Variants in HDAC9 observed in about 807,000 individuals in gnomAD.
The protein encoded by HDAC9 is histone deacetylase 9, also known as MEF-2 interacting transcription repressor (MITR) protein.
HDAC9 carries 41 observed loss-of-function variants against 139.4 expected under a neutral mutation model. That is an observed-to-expected ratio of 0.29 (90% confidence interval 0.23 to 0.38). The LOEUF (loss-of-function observed/expected upper bound fraction) is 0.38, where lower values mean the gene tolerates loss of function less well. Among genes scored for constraint, HDAC9 ranks in the 10% least tolerant of loss-of-function variants. The pLI, the probability that HDAC9 is intolerant of heterozygous loss-of-function variation, is 1.00. For missense variants in HDAC9, 1,147 were observed against 1,297.0 expected (o/e 0.88, Z 1.78); for synonymous variants, 517 against 476.2 (o/e 1.09, Z -1.12).
At chr7:18,241,844 A>G (rs1186628397) in intron 2 of HDAC9, among the ~76,000 whole-genome samples, 2 of 152,230 alleles carry the variant, frequency 1.3e-5, no homozygotes, top group Non-Finnish European at 2.9e-5. Flanking sequence ...AAAAACTGCA[A>G]TCACTTTTAA....
chr7:18,829,089 G>A, intron 17 of HDAC9, 72 bp from the exon 18 acceptor site: 3 of 1,043,986 alleles, frequency 2.9e-6, no homozygotes, highest in Non-Finnish European at 4.6e-6. Flanking sequence ...TGTTGTGCCT[G>A]GAGATCCAAG....
intron 2 of HDAC9, among the ~76,000 whole-genome samples, chr7:18,180,344 T>C (rs1255876797): frequency 6.6e-6 from 1 of 152,190 alleles, no homozygotes; most frequent in Non-Finnish European, 1.5e-5. Flanking sequence ...ATGTTTGCTC[T>C]GTGTTTCTTT....
At chr7:18,960,023 C>CACACAT (rs1263725966) in intron 24 of HDAC9, among the ~76,000 whole-genome samples, 7 of 151,774 alleles carry the variant, frequency 4.6e-5, no homozygotes, top group African/African-American at 9.7e-5. Flanking sequence ...CACACACACA[C>CACACAT]ACACACACAC....
At chr7:18,923,432 C>T (rs1027869700) in intron 22 of HDAC9, among the ~76,000 whole-genome samples, 1 of 151,990 alleles carries the variant, frequency 6.6e-6, no homozygotes, top group Non-Finnish European at 1.5e-5. Flanking sequence ...TTGAACGATT[C>T]TAGAATGGCT....
intron 2 of HDAC9, among the ~76,000 whole-genome samples, chr7:18,568,203 A>G (rs77069578): frequency 0.054 from 8,164 of 152,012 alleles, 327 homozygotes; most frequent in African/African-American, 0.12. Context: ...TCTCATGGAA[A>G]AAGAGATAAT....
chr7:18,793,255 CT>C (rs1792489477), intron 16 of HDAC9, 89 bp from the exon 17 acceptor site: 1 of 857,058 alleles, frequency 1.2e-6, no homozygotes, highest in Non-Finnish European at 1.9e-6. Context: ...CCCTCTTCCC[CT>C]GCGACCTCTT....
intron 1 of HDAC9, among the ~76,000 whole-genome samples, chr7:18,425,136 C>T (rs992760883): frequency 2.6e-5 from 4 of 152,058 alleles, no homozygotes; most frequent in African/African-American, 7.2e-5. Flanking sequence ...GCAAGTTGAA[C>T]CTTGGCTTTT....
intron 1 of HDAC9, among the ~76,000 whole-genome samples, chr7:18,410,715 G>A (rs1788462812): frequency 6.6e-6 from 1 of 152,078 alleles, no homozygotes; most frequent in African/African-American, 2.4e-5. Context: ...AGGATATATT[G>A]TGTCAGGAAA....
chr7:18,380,075 C>T (rs542892554), intron 1 of HDAC9, among the ~76,000 whole-genome samples: 28 of 152,266 alleles, frequency 1.8e-4, no homozygotes, highest in African/African-American at 5.8e-4. Flanking sequence ...TAAAATGAGA[C>T]ATTTAATTAT....
At chr7:18,733,052 C>G (rs1786475768) in intron 13 of HDAC9, among the ~76,000 whole-genome samples, 1 of 141,846 alleles carries the variant, frequency 7.0e-6, no homozygotes, top group Admixed American at 6.9e-5. Context: ...TACATATATA[C>G]ATGTGTATAT....
intron 13 of HDAC9, among the ~76,000 whole-genome samples, chr7:18,745,763 G>A (rs1787898368): frequency 6.6e-6 from 1 of 151,292 alleles, no homozygotes; most frequent in South Asian, 2.1e-4. Context: ...AGCCAGGTTG[G>A]TCTCGATCTG....
intron 1 of HDAC9, among the ~76,000 whole-genome samples, chr7:18,464,649 A>G (rs1001439354): frequency 3.9e-5 from 6 of 152,044 alleles, no homozygotes; most frequent in African/African-American, 1.4e-4. Flanking sequence ...GCATTGCTAT[A>G]CAGTATTGCT....
intron 1 of HDAC9, among the ~76,000 whole-genome samples, chr7:18,465,838 A>G (rs183553941): frequency 6.6e-6 from 1 of 151,600 alleles, no homozygotes; most frequent in Non-Finnish European, 1.5e-5. Context: ...CCAGTGATGG[A>G]CTCTCTTTCT....
Position 18,963,712 on chromosome 7 carries a change from C to A in HDAC9, c.3022+9482C>A, listed in dbSNP as rs931809815. Among the ~76,000 whole-genome samples, 4 of 152,146 alleles carry A rather than the reference C, an allele frequency of 2.6e-5. No homozygotes were observed. In the South Asian group the frequency reaches 8.3e-4, roughly 32 times the overall value. On this transcript the variant is annotated intron_variant, in intron 24 of 25. Transcript: ENST00000686413. The stretch of plus-strand genomic sequence containing the variant: ...GATAAAGAATGAAAAAGGAAACCAT[C>A]TGTTACTGTCTTAGCAGACCTAAAA...
intron 2 of HDAC9, among the ~76,000 whole-genome samples, chr7:18,252,812 T>C (rs558905972): frequency 1.8e-4 from 28 of 152,284 alleles, no homozygotes; most frequent in African/African-American, 4.8e-4. Context: ...AACCACAATC[T>C]TACATAGGTA....
chr7:18,641,109 A>C (rs988981927), intron 8 of HDAC9, among the ~76,000 whole-genome samples: 2 of 152,202 alleles, frequency 1.3e-5, no homozygotes, highest in Non-Finnish European at 2.9e-5. Context: ...TCTGGAAGAC[A>C]TTCTCACTCT....
intron 1 of HDAC9, among the ~76,000 whole-genome samples, chr7:18,089,926 T>G (rs1265498550): frequency 1.1e-5 from 1 of 88,346 alleles, no homozygotes; most frequent in African/African-American, 3.1e-5. Context: ...GGTTTTTTTT[T>G]GTTTGTTTTA....
At chr7:18,913,519 A>T (rs114839184) in intron 22 of HDAC9, among the ~76,000 whole-genome samples, 1 of 152,074 alleles carries the variant, frequency 6.6e-6, no homozygotes, top group Non-Finnish European at 1.5e-5. Flanking sequence ...AACAAATAAT[A>T]TGCGTAATTT....
chr7:18,669,100 T>G (rs886442869), intron 12 of HDAC9, among the ~76,000 whole-genome samples: 4 of 151,740 alleles, frequency 2.6e-5, no homozygotes, highest in Non-Finnish European at 4.4e-5. Flanking sequence ...CAGTGTAAAC[T>G]TTTTCATGAT....
Sources: allele counts gnomAD v4.1 joint callset (sites outside exome capture counted in the v4.1 genomes callset), GRCh38; gene constraint gnomAD v4.1.1; transcripts MANE v1.5; gene names NCBI Gene and HGNC (gene_info 2026-07-23, HGNC 2026-07-21).